The following CAST variants were observed in gnomAD, a reference collection of about 807,000 sequenced individuals.
The protein encoded by CAST is MIR583 host.
In CAST, 76 loss-of-function variants were observed where a neutral mutation model predicts 119.6. The observed-to-expected ratio is 0.64, with a 90% CI of 0.53 to 0.77. The LOEUF (loss-of-function observed/expected upper bound fraction) is 0.77, where lower values mean the gene tolerates loss of function less well. CAST is among the 30% of genes least tolerant of loss of function. The pLI is 0.00. For synonymous variants in CAST, 319 were observed against 331.6 expected (o/e 0.96, Z 0.41); for missense variants, 953 against 946.5 (o/e 1.01, Z -0.09).
the CAST span, among the ~76,000 whole-genome samples, chr5:95,990,840 G>A: frequency 6.6e-6 from 1 of 152,050 alleles, no homozygotes; most frequent in Admixed American, 6.6e-5. Flanking sequence ...CAGGGCTCAA[G>A]TGATACTCCC....
chr5:96,030,711 A>C, the CAST span, among the ~76,000 whole-genome samples: 8 of 152,128 alleles, frequency 5.3e-5, no homozygotes, highest in African/African-American at 1.9e-4. Flanking sequence ...CATAGTAAAG[A>C]GCTAGATGCT....
the CAST span, among the ~76,000 whole-genome samples, chr5:96,469,324 C>T: frequency 2.0e-5 from 3 of 152,148 alleles, no homozygotes; most frequent in South Asian, 2.1e-4. Context: ...TCAAAAACAC[C>T]TGTCACAATA....
At chr5:96,446,522 C>T in the CAST span, among the ~76,000 whole-genome samples, 1 of 152,138 alleles carries the variant, frequency 6.6e-6, no homozygotes, top group East Asian at 1.9e-4. Flanking sequence ...CAGTCAGCAG[C>T]AGGAATTGCT....
chr5:96,109,691 C>G, the CAST span, among the ~76,000 whole-genome samples: 1 of 152,070 alleles, frequency 6.6e-6, no homozygotes, highest in Non-Finnish European at 1.5e-5. Flanking sequence ...CTTCTGCACA[C>G]CTGTGTGGCA....
chr5:96,574,947 T>A lies in CAST; in HGVS notation c.60+45067T>A, dbSNP rs192241275. Among the ~76,000 whole-genome samples the A allele has an allele frequency of 2.6e-5, 4 of 152,280 alleles. No homozygotes were observed. In the East Asian group the frequency reaches 7.7e-4, roughly 29 times the overall value. ...ATAAACCATAGAATTGGTTTGTATA[T>A]TTAATTAATTAATTAATTAATAGTG... On this transcript the variant is annotated intron_variant, in intron 1 of 11. Coordinates refer to the CAST transcript ENST00000505143.
the CAST span, chr5:96,392,553 A>G: frequency 2.9e-5 from 5 of 174,834 alleles, no homozygotes; most frequent in Admixed American, 2.8e-4. Flanking sequence ...CTTTCTTGGC[A>G]TCAAAATTTG....
chr5:96,524,639 G>C (rs1745570624), upstream of CAST, among the ~76,000 whole-genome samples: 1 of 152,144 alleles, frequency 6.6e-6, no homozygotes, highest in Non-Finnish European at 1.5e-5. Flanking sequence ...ATTTCTCAGA[G>C]AGCATGAGCA....
At chr5:96,380,061 G>A in the CAST span, among the ~76,000 whole-genome samples, 4 of 152,054 alleles carry the variant, frequency 2.6e-5, no homozygotes, top group African/African-American at 7.2e-5. Context: ...TCGCTAACAC[G>A]GCAATTCTTA....
chr5:96,253,376 C>T, the CAST span, among the ~76,000 whole-genome samples: 4 of 152,054 alleles, frequency 2.6e-5, no homozygotes, highest in Admixed American at 2.0e-4. Flanking sequence ...TAGGCTATTC[C>T]AAAACCATAA....
At chr5:96,577,790 A>T (rs537717745) in intron 1 of CAST, among the ~76,000 whole-genome samples, 2 of 152,284 alleles carry the variant, frequency 1.3e-5, no homozygotes, top group African/African-American at 4.8e-5. Context: ...ATGGTCCAGC[A>T]TACAGTTTGT....
intron 1 of CAST, among the ~76,000 whole-genome samples, chr5:96,533,024 CA>C (rs5869724): frequency 0.65 from 83,842 of 129,264 alleles, 25,206 homozygotes; most frequent in East Asian, 0.86. Context: ...GACCTGGTCT[CA>C]AAAAAAAAAA....
At chr5:96,405,159 G>A in the CAST span, among the ~76,000 whole-genome samples, 1 of 152,180 alleles carries the variant, frequency 6.6e-6, no homozygotes, top group East Asian at 1.9e-4. Flanking sequence ...TACCTTGGCA[G>A]TAAGGATATA....
the CAST span, chr5:96,318,498 T>A: frequency 6.6e-6 from 1 of 152,238 alleles, no homozygotes; most frequent in African/African-American, 2.4e-5. Flanking sequence ...GGCCATAGTC[T>A]TCATATACTT....
At chr5:96,507,495 T>C in the CAST span, among the ~76,000 whole-genome samples, 7 of 152,202 alleles carry the variant, frequency 4.6e-5, no homozygotes, top group East Asian at 1.3e-3. Context: ...CCACTTTGTG[T>C]AGGTCTGTGG....
At chr5:96,629,468 C>T (rs1488532302) in intron 1 of CAST, among the ~76,000 whole-genome samples, 1 of 152,216 alleles carries the variant, frequency 6.6e-6, no homozygotes, top group African/African-American at 2.4e-5. Context: ...TTCAGTTTCT[C>T]CCACAGCTGA....
the CAST span, among the ~76,000 whole-genome samples, chr5:96,185,539 AG>A: frequency 3.3e-5 from 5 of 152,342 alleles, no homozygotes; most frequent in South Asian, 4.1e-4. Context: ...GGCATAAGGA[AG>A]GGGTCCAGTT....
the CAST span, among the ~76,000 whole-genome samples, chr5:96,494,053 CTAAA>C: frequency 1.6e-4 from 25 of 152,094 alleles, no homozygotes; most frequent in Non-Finnish European, 2.5e-4. Flanking sequence ...AACTAACTAA[CTAAA>C]TAAATAAATA....
At chr5:96,057,598 C>T in the CAST span, among the ~76,000 whole-genome samples, 1 of 152,138 alleles carries the variant, frequency 6.6e-6, no homozygotes, top group Non-Finnish European at 1.5e-5. Context: ...ATGTGAGGCT[C>T]AGAACTGAAT....
At chr5:96,177,072 TTG>T in the CAST span, among the ~76,000 whole-genome samples, 1 of 152,182 alleles carries the variant, frequency 6.6e-6, no homozygotes, top group East Asian at 1.9e-4. Context: ...AAGTTTAGTT[TTG>T]TGATTGAGCA....
Sources: gnomAD v4.1 joint callset for allele counts (sites outside exome capture counted in the v4.1 genomes callset) on GRCh38, gnomAD v4.1.1 for gene constraint, MANE v1.5 for transcripts, NCBI Gene and HGNC (gene_info 2026-07-23, HGNC 2026-07-21) for gene names.